P2RY10: variants seen among roughly 807,000 people sequenced by gnomAD.
P2RY10 encodes putative P2Y purinoceptor 10.
A neutral mutation model predicts 12.1 loss-of-function variants in P2RY10; 4 were observed. The observed-to-expected ratio is 0.33, with a 90% CI of 0.16 to 0.76. The LOEUF is 0.76. Among genes scored for constraint, P2RY10 ranks in the 30% least tolerant of loss-of-function variants. P2RY10 has a pLI of 0.61. For missense variants in P2RY10, 233 were observed against 264.6 expected, an observed-to-expected ratio of 0.88 and a Z score of 0.83; for synonymous variants, 112 against 94.1, an observed-to-expected ratio of 1.19 and a Z score of -1.10.
At chrX:78,951,566 G>A (rs1453656979) in intron 2 of P2RY10, among the ~76,000 whole-genome samples, 4 of 110,900 alleles carry the variant, frequency 3.6e-5, no homozygotes, top group Admixed American at 9.6e-5. Flanking sequence ...GTGAGAGTAG[G>A]GTTGCCCGAT....
At chrX:78,945,868 T>C (rs1195522008) in intron 1 of P2RY10, among the ~76,000 whole-genome samples, 1 of 112,084 alleles carries the variant, frequency 8.9e-6, no homozygotes, top group East Asian at 2.8e-4. Flanking sequence ...TCAATTTAAT[T>C]TTTTATGGTG....
chrX:78,953,842 C>T (rs773823018), intron 3 of P2RY10, among the ~76,000 whole-genome samples: 2 of 111,590 alleles, frequency 1.8e-5, no homozygotes, highest in South Asian at 3.8e-4. Flanking sequence ...CGTGACCTTT[C>T]TATTTTTTAT....
At chrX:78,956,127 T>C (rs1922323441) in intron 3 of P2RY10, among the ~76,000 whole-genome samples, 1 of 111,776 alleles carries the variant, frequency 8.9e-6, no homozygotes, top group African/African-American at 3.3e-5. Context: ...CATGAAGCTG[T>C]CCTTTTCTTG....
rs1429536578 is a variant in P2RY10 at position 78,961,848 on chromosome X, ATAAG to A, written c.*314_*317del. 5.5e-5 allele frequency: 11 copies of A among 200,462 alleles called. No individual in the cohort carries two copies. The highest frequency in any genetic ancestry group is 2.5e-4 in the South Asian group (1 of 3,985). 16.5% of individuals were successfully genotyped at this position (200,462 alleles called of 1,213,427 possible). ...AATAGTTTACCTTAAATTTTTTTCAATAAGTAAGTTATTGTTAATAATGCACAGT... is the reference window on the plus strand; with the variant it reads ...AATAGTTTACCTTAAATTTTTTTCAATAAGTTATTGTTAATAATGCACAGT... On this transcript the variant is annotated 3_prime_UTR_variant, in exon 4 of 4. Transcript: ENST00000171757.
At chrX:78,948,034 G>A (rs902824068) in intron 2 of P2RY10, among the ~76,000 whole-genome samples, 171 bp downstream of exon 2, 2 of 111,773 alleles carry the variant, frequency 1.8e-5, no homozygotes, top group African/African-American at 6.5e-5. Flanking sequence ...CTGTGAACTT[G>A]CCTTCCTAGG....
intron 3 of P2RY10, among the ~76,000 whole-genome samples, chrX:78,957,411 G>C (rs1345726955): frequency 1.9e-5 from 2 of 107,344 alleles, no homozygotes; most frequent in African/African-American, 3.4e-5. Context: ...GAGAGAGAGA[G>C]AGAGAGAGGG....
chrX:78,960,268 C>T (rs1922543139), intron 3 of P2RY10, among the ~76,000 whole-genome samples: 1 of 111,980 alleles, frequency 8.9e-6, no homozygotes, highest in African/African-American at 3.2e-5. Flanking sequence ...CTGCAAAATA[C>T]AACTTAGAGA....
At chrX:78,952,560 A>C (rs1377112257) in intron 3 of P2RY10, among the ~76,000 whole-genome samples, 2 of 111,922 alleles carry the variant, frequency 1.8e-5, no homozygotes, top group Non-Finnish European at 3.8e-5. Flanking sequence ...ACAAAGAGCT[A>C]GAATAAGGTG....
intron 3 of P2RY10, among the ~76,000 whole-genome samples, chrX:78,954,760 C>T (rs1320959704): frequency 8.9e-6 from 1 of 112,161 alleles, no homozygotes; most frequent in African/African-American, 3.2e-5. Context: ...ACCCACATAG[C>T]AGAATGTCTA....
intron 2 of P2RY10, among the ~76,000 whole-genome samples, chrX:78,948,650 T>G (rs1921960440): frequency 9.0e-6 from 1 of 111,519 alleles, no homozygotes; most frequent in Admixed American, 9.5e-5. Flanking sequence ...TAGATTCCAT[T>G]ATATCACTCT....
intron 3 of P2RY10, among the ~76,000 whole-genome samples, chrX:78,955,417 A>G (rs1425459149): frequency 8.9e-6 from 1 of 112,468 alleles, no homozygotes; most frequent in Admixed American, 9.4e-5. Context: ...AGGTAAGAAA[A>G]GCTTATATAC....
chrX:78,962,149 TC>T lies in P2RY10; in HGVS notation c.*610del, dbSNP rs982976342. Among the ~76,000 whole-genome samples, 3 of 111,582 alleles carry T rather than the reference TC, an allele frequency of 2.7e-5. No individual in the cohort carries two copies. The highest frequency in any genetic ancestry group is 9.8e-5 in the African/African-American group (3 of 30,664). On this transcript the variant is annotated 3_prime_UTR_variant, in exon 4 of 4. Transcript: ENST00000171757. ...CTTTGTTAGGTACTTTCTTTTTTTT[TC>T]ATAAGTTATTGGGGTACAGGTGGTA... is the stretch of plus-strand genomic sequence containing the variant.
intron 1 of P2RY10, among the ~76,000 whole-genome samples, chrX:78,946,272 T>C (rs1243534605): frequency 8.9e-6 from 1 of 112,050 alleles, no homozygotes; most frequent in Non-Finnish European, 1.9e-5. Context: ...TCCTTGATCC[T>C]TTGAAAGCTA....
chrX:78,962,649 G>A lies in P2RY10; in HGVS notation c.*1109G>A, dbSNP rs950848189. On this transcript the variant is annotated 3_prime_UTR_variant, in exon 4 of 4. Coordinates refer to ENST00000171757, the MANE Select transcript of P2RY10 (RefSeq NM_014499.4). ...AAGGTCTTAAGTGGTAAATAGATGC[G>A]TTGTCCTAATACTGTTCCAAGGTAG... is the stretch of plus-strand genomic sequence containing the variant. Among the ~76,000 whole-genome samples the A allele has an allele frequency of 4.5e-5, 5 of 111,253 alleles. No individual in the cohort carries two copies. Among genetic ancestry groups the A allele is most frequent in the African/African-American group, 1.6e-4 (5 of 30,558 alleles).
intron 3 of P2RY10, among the ~76,000 whole-genome samples, chrX:78,953,410 A>G: frequency 8.9e-6 from 1 of 112,234 alleles, no homozygotes; most frequent in Middle Eastern, 4.6e-3. Context: ...GGAATTGATG[A>G]GGGTTGGCAG....
At chrX:78,956,563 T>A (rs1291229969) in intron 3 of P2RY10, among the ~76,000 whole-genome samples, 2 of 109,017 alleles carry the variant, frequency 1.8e-5, no homozygotes, top group Admixed American at 2.0e-4. Flanking sequence ...ACAGTGAGGG[T>A]AATAACCAAC....
At chrX:78,954,561 G>A (rs1267756637) in intron 3 of P2RY10, among the ~76,000 whole-genome samples, 1 of 111,927 alleles carries the variant, frequency 8.9e-6, no homozygotes, top group African/African-American at 3.3e-5. Flanking sequence ...ATTCTATGCA[G>A]GCTTTATTTC....
chrX:78,952,392 C>T (rs1330496752), intron 3 of P2RY10, 57 bp downstream of exon 3: 12 of 657,414 alleles, frequency 1.8e-5, no homozygotes, highest in Non-Finnish European at 1.8e-5. Context: ...GAATTCTATT[C>T]TCACCTCTTT....
intron 1 of P2RY10, 23 bp downstream of exon 1, chrX:78,945,518 G>C (rs1303410871): frequency 2.7e-5 from 3 of 111,854 alleles, no homozygotes; most frequent in Non-Finnish European, 5.6e-5. Context: ...CTAGCACCTG[G>C]GGATTGGTGG....
Sources: allele counts gnomAD v4.1 joint callset (sites outside exome capture counted in the v4.1 genomes callset), GRCh38; gene constraint gnomAD v4.1.1; transcripts MANE v1.5; gene names NCBI Gene and HGNC (gene_info 2026-07-23, HGNC 2026-07-21).